The following SHC3 variants were observed in gnomAD, a reference collection of about 807,000 sequenced individuals.
SHC3 encodes SHC-transforming protein 3.
SHC3 carries 15 observed loss-of-function variants against 60.4 expected under a neutral mutation model. The observed-to-expected ratio is 0.25, with a 90% CI of 0.17 to 0.38. The LOEUF is 0.38. Ranked by LOEUF, SHC3 falls within the 10% of genes least tolerant of loss-of-function variation. SHC3 has a pLI of 1.00. For missense variants in SHC3, 677 were observed against 786.1 expected (o/e 0.86, Z 1.66); for synonymous variants, 294 against 325.9 (o/e 0.90, Z 1.05).
chr9:89,028,164 C>T (rs1454377659), intron 11 of SHC3, among the ~76,000 whole-genome samples: 1 of 152,198 alleles, frequency 6.6e-6, no homozygotes, highest in Non-Finnish European at 1.5e-5. Context: ...AAACCACGCC[C>T]ACACATGTCA....
At chr9:89,018,967 G>C (rs1203364524) in intron 11 of SHC3, among the ~76,000 whole-genome samples, 1 of 151,180 alleles carries the variant, frequency 6.6e-6, no homozygotes, top group Non-Finnish European at 1.5e-5. Context: ...GCTGAGGCAG[G>C]AAAGTCGCTT....
chr9:89,140,877 AC>A (rs1826383666), intron 1 of SHC3, among the ~76,000 whole-genome samples: 1 of 152,150 alleles, frequency 6.6e-6, no homozygotes, highest in Admixed American at 6.5e-5. Flanking sequence ...GAGGAGAAAA[AC>A]TTTTTTCAGA....
intron 1 of SHC3, among the ~76,000 whole-genome samples, chr9:89,133,424 G>C (rs1412331250): frequency 6.6e-6 from 1 of 152,096 alleles, no homozygotes; most frequent in Non-Finnish European, 1.5e-5. Context: ...TATACCCAAA[G>C]GATTATAAAT....
intron 1 of SHC3, among the ~76,000 whole-genome samples, chr9:89,136,923 G>C (rs187214953): frequency 1.3e-5 from 2 of 152,064 alleles, no homozygotes; most frequent in Admixed American, 6.6e-5. Flanking sequence ...ACAGTTTCAC[G>C]GGTTGTACAG....
intron 1 of SHC3, among the ~76,000 whole-genome samples, chr9:89,151,791 A>G (rs11137524): frequency 0.68 from 103,205 of 152,110 alleles, 35,256 homozygotes; most frequent in East Asian, 0.97. Flanking sequence ...TAAGGGCTAA[A>G]ATAATTCATG....
intron 1 of SHC3, among the ~76,000 whole-genome samples, chr9:89,153,084 G>T (rs369836581): frequency 6.6e-6 from 1 of 152,134 alleles, no homozygotes; most frequent in Non-Finnish European, 1.5e-5. Flanking sequence ...ATATGTGCTC[G>T]TTGAGCTGAT....
chr9:89,011,561 C>T lies in SHC3; in HGVS notation c.*1886G>A, dbSNP rs1042853690. 1.7e-4 allele frequency: 26 copies of T among 152,262 alleles called. No homozygotes were observed. Among genetic ancestry groups the T allele is most frequent in the Non-Finnish European group, 1.5e-5 (1 of 68,062 alleles). The allele number at this position is 152,262 out of a possible 1,614,324, so 9.4% of individuals were successfully genotyped here. ...CAGAGGACAGATGTGCAGGGCAGCT[C>T]TCAGAGCACCCAAGTCTATGCTGTC... is the stretch of plus-strand genomic sequence containing the variant. On this transcript the variant is annotated 3_prime_UTR_variant, in exon 12 of 12. Coordinates refer to ENST00000375835, the MANE Select transcript of SHC3 (RefSeq NM_016848.6).
rs570588924 is a variant in SHC3 at position 89,079,066 on chromosome 9, A to G, written c.546-1163T>C. 5.3e-5 allele frequency among the ~76,000 whole-genome samples: 8 copies of G among 152,366 alleles called. No homozygotes were observed. In the South Asian group the frequency reaches 1.7e-3, roughly 32 times the overall value. On this transcript the variant is annotated intron_variant, in intron 2 of 11. Coordinates refer to ENST00000375835, the MANE Select transcript of SHC3 (RefSeq NM_016848.6). Reference sequence around the variant, plus strand: ...TGCCACTCAATTTATTGTAGAGAGCAGGGAAGGAAACATTTTCCTAAAAGC... The same window carrying G: ...TGCCACTCAATTTATTGTAGAGAGCGGGGAAGGAAACATTTTCCTAAAAGC...
At chr9:89,164,261 G>T (rs992762520) in intron 1 of SHC3, among the ~76,000 whole-genome samples, 9 of 152,168 alleles carry the variant, frequency 5.9e-5, no homozygotes, top group Non-Finnish European at 1.0e-4. Flanking sequence ...TGACTTGAAG[G>T]CTACAGAGCT....
chr9:89,110,018 A>G (rs1333491534), intron 2 of SHC3: 99 of 985,330 alleles, frequency 1.0e-4, no homozygotes, highest in Admixed American at 1.2e-4. Flanking sequence ...ATATACACAT[A>G]CACTGACATG....
At chr9:89,040,105 C>A (rs1187189887) in intron 10 of SHC3, among the ~76,000 whole-genome samples, 1 of 146,158 alleles carries the variant, frequency 6.8e-6, no homozygotes, top group South Asian at 2.3e-4. Flanking sequence ...AGCATCATCA[C>A]CACCATCATC....
intron 6 of SHC3, among the ~76,000 whole-genome samples, chr9:89,054,618 C>T (rs561930461): frequency 1.3e-5 from 2 of 152,356 alleles, no homozygotes; most frequent in African/African-American, 4.8e-5. Context: ...CTGGGCTTCA[C>T]CTCTCCCTGA....
intron 1 of SHC3, among the ~76,000 whole-genome samples, chr9:89,168,244 T>C (rs2118260753): frequency 6.6e-6 from 1 of 152,346 alleles, no homozygotes; most frequent in East Asian, 1.9e-4. Flanking sequence ...GGCAGGTGGA[T>C]CACCTGAGGT....
At chr9:89,120,721 A>G (rs1402857925) in intron 1 of SHC3, among the ~76,000 whole-genome samples, 3 of 152,188 alleles carry the variant, frequency 2.0e-5, no homozygotes, top group Admixed American at 6.5e-5. Context: ...GATATTTGTT[A>G]CTTTCTTTCC....
At chr9:89,140,206 C>T (rs1247163900) in intron 1 of SHC3, among the ~76,000 whole-genome samples, 1 of 151,938 alleles carries the variant, frequency 6.6e-6, no homozygotes, top group Non-Finnish European at 1.5e-5. Flanking sequence ...AGAAGAAGAC[C>T]CAGTAGTTGT....
At chr9:89,176,565 C>G (rs1439541541) in intron 1 of SHC3, among the ~76,000 whole-genome samples, 1 of 152,202 alleles carries the variant, frequency 6.6e-6, no homozygotes, top group Non-Finnish European at 1.5e-5. Context: ...TCAAAGCTGT[C>G]AGGGATTTTT....
intron 1 of SHC3, among the ~76,000 whole-genome samples, chr9:89,159,791 C>T (rs1826677948): frequency 6.6e-6 from 1 of 152,174 alleles, no homozygotes; most frequent in Non-Finnish European, 1.5e-5. Flanking sequence ...AGTTTTTCTG[C>T]CTGCTTTATA....
At position 89,077,820 on chromosome 9, in the gene SHC3, C is replaced by T; in HGVS notation, c.609+20G>A. The T allele has an allele frequency of 6.2e-7, 1 of 1,614,096 alleles. No individual in the cohort carries two copies. Among genetic ancestry groups the T allele is most frequent in the Non-Finnish European group, 8.5e-7 (1 of 1,179,938 alleles). ...GAAGTAGAGGAGACACAGTTAGACA[C>T]AGAGCATTGAGGACAGTACCTTTCT... On this transcript the variant is annotated intron_variant, in intron 3 of 11. Transcript: ENST00000375835.
At chr9:89,135,563 A>T (rs1391939904) in intron 1 of SHC3, among the ~76,000 whole-genome samples, 2 of 152,174 alleles carry the variant, frequency 1.3e-5, no homozygotes, top group Non-Finnish European at 2.9e-5. Context: ...CAAACAAATC[A>T]GTCTGTTATG....
Sources: gnomAD v4.1 joint callset for allele counts (sites outside exome capture counted in the v4.1 genomes callset) on GRCh38, gnomAD v4.1.1 for gene constraint, MANE v1.5 for transcripts, NCBI Gene and HGNC (gene_info 2026-07-23, HGNC 2026-07-21) for gene names.